BRD7: variants seen among roughly 807,000 people sequenced by gnomAD.
BRD7 encodes the protein bromodomain containing 7, also known as bromodomain-containing protein 7.
In BRD7, 15 loss-of-function variants were observed where a neutral mutation model predicts 82.1. That is an observed-to-expected ratio of 0.18 (90% CI 0.12 to 0.28). BRD7 has a LOEUF of 0.28. Ranked by LOEUF, BRD7 falls within the 10% of genes least tolerant of loss-of-function variation. The pLI is 1.00. For synonymous variants in BRD7, 232 were observed against 266.9 expected, an observed-to-expected ratio of 0.87 and a Z score of 1.27; for missense variants, 638 against 779.9, an observed-to-expected ratio of 0.82 and a Z score of 2.17.
At chr16:50,321,335 C>T (rs896123869) in intron 13 of BRD7, among the ~76,000 whole-genome samples, 1 of 151,898 alleles carries the variant, frequency 6.6e-6, no homozygotes, top group Admixed American at 6.6e-5. Context: ...CCGAGGTGGG[C>T]GGATCACCTG....
At chr16:50,322,082 G>A (rs751739438) in intron 12 of BRD7, 44 bp from the exon 13 acceptor site, 1 of 1,481,984 alleles carries the variant, frequency 6.7e-7, no homozygotes, top group Non-Finnish European at 9.2e-7. Flanking sequence ...AACACATGAA[G>A]GCGAATATCA....
intron 9 of BRD7, among the ~76,000 whole-genome samples, chr16:50,327,105 ATCT>A (rs1256841987): frequency 2.6e-5 from 4 of 152,352 alleles, no homozygotes; most frequent in South Asian, 2.1e-4. Flanking sequence ...TCTAAATCAG[ATCT>A]TCTCTCCTCA....
At chr16:50,363,412 A>G (rs2039003104) in intron 2 of BRD7, among the ~76,000 whole-genome samples, 1 of 152,242 alleles carries the variant, frequency 6.6e-6, no homozygotes, top group African/African-American at 2.4e-5. Flanking sequence ...TGTTTAAGGA[A>G]TAAGAAAATT....
Position 50,317,502 on chromosome 16 carries a change from T to C in BRD7, c.*1709A>G, listed in dbSNP as rs1156662775. ...CATATTTGTACTCTTGGAATATTTG[T>C]TTTTTTCTTCAGTAACAACAGAAAC... On this transcript the variant is annotated 3_prime_UTR_variant, in exon 17 of 17. Transcript: ENST00000394688. 2 of 152,350 alleles carry C rather than the reference T, an allele frequency of 1.3e-5. No homozygotes were observed. The highest frequency in any genetic ancestry group is 4.8e-5 in the African/African-American group (2 of 41,448). The allele number at this position is 152,350 out of a possible 1,614,324, so 9.4% of individuals were successfully genotyped here.
chr16:50,355,212 G>T (rs1285368340), intron 2 of BRD7, among the ~76,000 whole-genome samples: 2 of 152,132 alleles, frequency 1.3e-5, no homozygotes, highest in Non-Finnish European at 2.9e-5. Flanking sequence ...AAAACCTTTT[G>T]GGAAAAACTG....
At chr16:50,334,954 A>G in intron 6 of BRD7, 59 bp from the exon 7 acceptor site, 2 of 1,009,484 alleles carry the variant, frequency 2.0e-6, no homozygotes, top group South Asian at 1.7e-5. Flanking sequence ...AAAGTAATGC[A>G]TTTTTTTCCC....
chr16:50,346,465 A>C (rs2038287422), intron 5 of BRD7, among the ~76,000 whole-genome samples: 1 of 152,212 alleles, frequency 6.6e-6, no homozygotes. Flanking sequence ...CCTTCAAAAA[A>C]ATCAATGAAT....
chr16:50,363,238 T>C (rs553830857), intron 2 of BRD7, among the ~76,000 whole-genome samples: 3 of 152,358 alleles, frequency 2.0e-5, no homozygotes, highest in South Asian at 4.1e-4. Context: ...TATCCTCTTG[T>C]GTATGTATGA....
rs1469008969 is a variant in BRD7 at position 50,318,172 on chromosome 16, C to T, written c.*1039G>A. 6.6e-6 allele frequency: 1 copy of T among 152,240 alleles called. No homozygotes were observed. The highest frequency in any genetic ancestry group is 1.5e-5 in the Non-Finnish European group (1 of 68,036). The allele number at this position is 152,240 out of a possible 1,614,324, so 9.4% of individuals were successfully genotyped here. A position where few individuals can be genotyped will look rare whatever the true frequency, so the allele number is the denominator to read the frequency against. On this transcript the variant is annotated 3_prime_UTR_variant, in exon 17 of 17. Coordinates refer to ENST00000394688, the MANE Select transcript of BRD7 (RefSeq NM_013263.5). ...ATTTTATTTTCGTGGTCCTCATGAACTCACTAGAGATTAAAAGTAGACTCA... is the reference window on the plus strand; with the variant it reads ...ATTTTATTTTCGTGGTCCTCATGAATTCACTAGAGATTAAAAGTAGACTCA...
chr16:50,342,679 C>T (rs1446086411), intron 5 of BRD7, among the ~76,000 whole-genome samples: 6 of 151,938 alleles, frequency 3.9e-5, no homozygotes, highest in Admixed American at 2.0e-4. Context: ...CCTCGGCCTC[C>T]GGAAGTGCTG....
At position 50,320,680 on chromosome 16, in the gene BRD7, T is replaced by C. The variant is rs773541186; in HGVS notation, c.1595A>G (p.Glu532Gly). ...KAVTNFGVPV[E>G]VFDSEEAEIF... Reference sequence around the variant, plus strand: ...ACACTTACCTTCAGAGTCAAAAACTTCAACTGGAACGCCAAAATTTGTTAC... The same window carrying C: ...ACACTTACCTTCAGAGTCAAAAACTCCAACTGGAACGCCAAAATTTGTTAC... The change falls in exon 14 of 17, where the codon GAA becomes GGA. Residue 532 changes from glutamate to glycine, a missense_variant. This residue lies in a region of BRD7 where 402 missense variants were observed against 500.8 expected (regional missense o/e 0.80). Coordinates refer to ENST00000394688, the MANE Select transcript of BRD7 (RefSeq NM_013263.5). 1 of 1,613,922 alleles carries C rather than the reference T, an allele frequency of 6.2e-7. No individual in the cohort carries two copies. The highest frequency in any genetic ancestry group is 1.1e-5 in the South Asian group (1 of 91,070).
At chr16:50,364,754 G>T (rs117546397) in intron 2 of BRD7, among the ~76,000 whole-genome samples, 1 of 152,176 alleles carries the variant, frequency 6.6e-6, no homozygotes, top group Non-Finnish European at 1.5e-5. Context: ...AGTATTACAT[G>T]TAAGATTTAA....
chr16:50,347,605 A>C (rs2038342915), intron 5 of BRD7, among the ~76,000 whole-genome samples: 2 of 152,344 alleles, frequency 1.3e-5, no homozygotes, highest in Admixed American at 1.3e-4. Flanking sequence ...AAGCATTCCT[A>C]TACACCAATA....
rs1597069620 is a variant in BRD7 at position 50,345,007 on chromosome 16, C to A, written c.592-4921G>T. Among the ~76,000 whole-genome samples, 3 of 152,174 alleles carry A rather than the reference C, an allele frequency of 2.0e-5. No homozygotes were observed. In the South Asian group the frequency reaches 6.2e-4, roughly 32 times the overall value. The stretch of plus-strand genomic sequence containing the variant: ...GAAATGAAGGAAAAAATGTTAAGGG[C>A]AGCCAGAGAGAAAGGTCAGGTTACC... On this transcript the variant is annotated intron_variant, in intron 5 of 16. Transcript: ENST00000394688.
intron 6 of BRD7, among the ~76,000 whole-genome samples, chr16:50,335,948 T>C (rs1658522545): frequency 6.6e-6 from 1 of 152,182 alleles, no homozygotes; most frequent in Non-Finnish European, 1.5e-5. Flanking sequence ...CAAATAAAAA[T>C]ATGGGTAGAG....
chr16:50,366,724 T>G (rs1437266608), intron 2 of BRD7, among the ~76,000 whole-genome samples: 2 of 152,124 alleles, frequency 1.3e-5, no homozygotes, highest in African/African-American at 4.8e-5. Flanking sequence ...GTGTCCAGAG[T>G]GGAGCAGCAG....
intron 8 of BRD7, among the ~76,000 whole-genome samples, chr16:50,329,270 G>C (rs1055258013): frequency 6.6e-6 from 1 of 152,092 alleles, no homozygotes; most frequent in Admixed American, 6.6e-5. Flanking sequence ...GGGTCCTTAA[G>C]GCCACCTAGT....
intron 8 of BRD7, among the ~76,000 whole-genome samples, chr16:50,333,207 A>G (rs1321024568): frequency 6.6e-6 from 1 of 152,222 alleles, no homozygotes; most frequent in East Asian, 1.9e-4. Context: ...GTAAATTTAA[A>G]TTCTGTAGTT....
intron 2 of BRD7, among the ~76,000 whole-genome samples, chr16:50,361,144 T>C (rs2038919213): frequency 6.6e-6 from 1 of 152,178 alleles, no homozygotes; most frequent in African/African-American, 2.4e-5. Context: ...ATAGTAAATA[T>C]ACACAAAGAA....
Sources: allele counts gnomAD v4.1 joint callset (sites outside exome capture counted in the v4.1 genomes callset), GRCh38; gene constraint gnomAD v4.1.1; regional missense constraint gnomAD v4.1.1; transcripts MANE v1.5; gene names NCBI Gene and HGNC (gene_info 2026-07-23, HGNC 2026-07-21).